ZBBX: variants seen among roughly 807,000 people sequenced by gnomAD.
ZBBX encodes zinc finger B-box domain containing, also known as zinc finger B-box domain-containing protein 1.
ZBBX carries 101 observed loss-of-function variants against 108.5 expected under a neutral mutation model. The ratio of observed to expected loss-of-function variants is 0.93; its 90% CI spans 0.79 to 1.10. The LOEUF (loss-of-function observed/expected upper bound fraction) is 1.10, where lower values mean the gene tolerates loss of function less well. Among genes scored for constraint, ZBBX ranks in the 50% least tolerant of loss-of-function variants. ZBBX has a pLI of 0.00. For synonymous variants in ZBBX, 356 were observed against 323.4 expected, an observed-to-expected ratio of 1.10 and a Z score of -1.08; for missense variants, 1,009 against 941.4, an observed-to-expected ratio of 1.07 and a Z score of -0.94.
chr3:167,347,986 A>G (rs541796866), intron 9 of ZBBX, among the ~76,000 whole-genome samples: 18 of 152,144 alleles, frequency 1.2e-4, no homozygotes, highest in African/African-American at 4.3e-4. Flanking sequence ...TTGTGTACAT[A>G]TTATGTAATC....
At chr3:167,312,007 T>A (rs1350096078) in intron 16 of ZBBX, among the ~76,000 whole-genome samples, 1 of 152,206 alleles carries the variant, frequency 6.6e-6, no homozygotes. Flanking sequence ...GTTTTGTTCA[T>A]AATTGCTAAA....
intron 4 of ZBBX, 139 bp from the exon 5 acceptor site, chr3:167,368,713 T>C (rs1456759966): frequency 7.8e-7 from 1 of 1,280,408 alleles, no homozygotes; most frequent in Non-Finnish European, 9.8e-7. Context: ...TTCTCCGAAA[T>C]CTGGTTTTTA....
chr3:167,221,149 C>A, the ZBBX span, among the ~76,000 whole-genome samples: 2 of 151,996 alleles, frequency 1.3e-5, no homozygotes, highest in African/African-American at 4.8e-5. Flanking sequence ...AAGCAATCTA[C>A]AGATTAAATA....
intron 6 of ZBBX, among the ~76,000 whole-genome samples, chr3:167,363,104 C>A (rs1371036212): frequency 6.6e-6 from 1 of 151,924 alleles, no homozygotes; most frequent in Admixed American, 6.6e-5. Context: ...ATCTCAGACT[C>A]TAAAGTTTTT....
chr3:167,280,114 CTT>C (rs1283993437), intron 20 of ZBBX, among the ~76,000 whole-genome samples: 4 of 152,084 alleles, frequency 2.6e-5, no homozygotes, highest in Non-Finnish European at 4.4e-5. Flanking sequence ...GGATTAAAGA[CTT>C]AAACTTTAGA....
chr3:167,282,300 G>T lies in ZBBX; in HGVS notation c.2192C>A (p.Thr731Asn), dbSNP rs1350584528. Residue 731 changes from threonine (T) to asparagine (N), a missense_variant, in exon 20 of 22, where the codon ACT becomes AAT. By Grantham distance (65) the Thr-to-Asn change is moderately conservative. Transcript: ENST00000675490. ...TDQNELSLDD[T>N]TDQHTLDNLE... ...ATTGTCTAAAGTATGTTGATCAGTA[G>T]TGTCATCTAAGGAAAGCTCATTCTG... 6.2e-7 allele frequency: 1 copy of T among 1,613,872 alleles called. No individual in the cohort carries two copies. The highest frequency in any genetic ancestry group is 2.2e-5 in the East Asian group (1 of 44,872).
At chr3:167,241,088 C>G (rs1720590618) in intron 21 of ZBBX, among the ~76,000 whole-genome samples, 169 bp from the exon 22 acceptor site, 1 of 152,130 alleles carries the variant, frequency 6.6e-6, no homozygotes. Flanking sequence ...TACCAAGCCT[C>G]CTTTTAATGA....
intron 6 of ZBBX, among the ~76,000 whole-genome samples, chr3:167,361,178 T>A (rs1744447823): frequency 6.6e-6 from 1 of 152,068 alleles, no homozygotes; most frequent in Non-Finnish European, 1.5e-5. Flanking sequence ...ATTTGCCCAA[T>A]TTAGAGAACT....
At chr3:167,310,229 C>A (rs932649229) in intron 16 of ZBBX, among the ~76,000 whole-genome samples, 4 of 152,142 alleles carry the variant, frequency 2.6e-5, no homozygotes, top group African/African-American at 9.7e-5. Context: ...CTTCATTGTC[C>A]ATTATCACTA....
rs371220811 is a variant in ZBBX, at chr3:167,291,559, TA to T, written c.1880-2577del. Among the ~76,000 whole-genome samples the T allele has an allele frequency of 5.1e-3, 770 of 152,248 alleles. 4 individuals carry two copies. The highest frequency in any genetic ancestry group is 0.018 in the African/African-American group (749 of 41,534). On this transcript the variant is annotated intron_variant, in intron 18 of 21. Transcript: ENST00000675490. ...TTACAAGAGCTTCTGAAGGAAGCACTAAATATGGAAAGGAACAAATGGTACC... is the reference window on the plus strand; with the variant it reads ...TTACAAGAGCTTCTGAAGGAAGCACTAATATGGAAAGGAACAAATGGTACC...
At chr3:167,250,760 G>A (rs1424406493) in intron 20 of ZBBX, among the ~76,000 whole-genome samples, 1 of 152,070 alleles carries the variant, frequency 6.6e-6, no homozygotes, top group Non-Finnish European at 1.5e-5. Context: ...TGATACCGGA[G>A]GGGTCGAGGA....
At chr3:167,387,115 A>G (rs1351313074) in intron 1 of ZBBX, among the ~76,000 whole-genome samples, 3 of 152,122 alleles carry the variant, frequency 2.0e-5, no homozygotes, top group South Asian at 2.1e-4. Context: ...ACCCATTTTC[A>G]CATTAATTCA....
At chr3:167,320,820 A>T (rs900534911) in intron 12 of ZBBX, among the ~76,000 whole-genome samples, 1 of 152,000 alleles carries the variant, frequency 6.6e-6, no homozygotes, top group Non-Finnish European at 1.5e-5. Flanking sequence ...TTATGAAAAA[A>T]CATCAGACAA....
At chr3:167,334,489 G>A (rs547524659) in intron 9 of ZBBX, among the ~76,000 whole-genome samples, 2 of 152,196 alleles carry the variant, frequency 1.3e-5, no homozygotes, top group South Asian at 2.1e-4. Flanking sequence ...CAGGAGGATT[G>A]CTTGAACCCA....
chr3:167,369,194 G>A (rs1261832551), intron 4 of ZBBX, among the ~76,000 whole-genome samples: 3 of 152,222 alleles, frequency 2.0e-5, no homozygotes, highest in Non-Finnish European at 2.9e-5. Context: ...TTCATTTTAC[G>A]AAGTCTGGTT....
At chr3:167,360,862 TAGG>T (rs552441195) in intron 6 of ZBBX, 139 bp from the exon 7 acceptor site, 208 of 378,082 alleles carry the variant, frequency 5.5e-4, no homozygotes, top group African/African-American at 4.1e-3. Flanking sequence ...ATAAAATTAA[TAGG>T]AGATCATCAT....
At chr3:167,221,419 A>G in the ZBBX span, among the ~76,000 whole-genome samples, 2 of 151,942 alleles carry the variant, frequency 1.3e-5, no homozygotes, top group African/African-American at 4.8e-5. Flanking sequence ...CATGGGGAAA[A>G]GGGCAGTCTC....
chr3:167,181,151 A>G, the ZBBX span, among the ~76,000 whole-genome samples: 2,030 of 152,290 alleles, frequency 0.013, 22 homozygotes, highest in South Asian at 0.026. Context: ...AAACCTTGGC[A>G]GGAACTTTGT....
intron 9 of ZBBX, among the ~76,000 whole-genome samples, chr3:167,349,522 A>G (rs942256518): frequency 6.6e-6 from 1 of 151,968 alleles, no homozygotes; most frequent in African/African-American, 2.4e-5. Flanking sequence ...TGTGGTTATC[A>G]TTATTTGGGT....
Sources: gnomAD v4.1 joint callset for allele counts (sites outside exome capture counted in the v4.1 genomes callset) on GRCh38, gnomAD v4.1.1 for gene constraint, MANE v1.5 for transcripts, NCBI Gene and HGNC (gene_info 2026-07-23, HGNC 2026-07-21) for gene names.